Variants in CARMIL1 observed in about 807,000 individuals in gnomAD.
The protein encoded by CARMIL1 is F-actin-uncapping protein LRRC16A.
Under a neutral mutation model 177.1 loss-of-function variants are expected in CARMIL1, and 90 were observed. That is an observed-to-expected ratio of 0.51 (90% confidence interval 0.43 to 0.61). The LOEUF is 0.61. Among genes scored for constraint, CARMIL1 ranks in the 20% least tolerant of loss-of-function variants. The pLI is 0.00. For synonymous variants in CARMIL1, 577 were observed against 606.2 expected (o/e 0.95, Z 0.71); for missense variants, 1,380 against 1,667.0 (o/e 0.83, Z 3.00).
intron 33 of CARMIL1, 95 bp from the exon 34 acceptor site, chr6:25,604,717 C>A: frequency 1.1e-6 from 1 of 943,252 alleles, no homozygotes; most frequent in Non-Finnish European, 1.6e-6. Flanking sequence ...AGTTAAAGAG[C>A]CCTTCTTTGC....
intron 2 of CARMIL1, among the ~76,000 whole-genome samples, chr6:25,343,187 GA>G (rs1787127433): frequency 6.6e-6 from 1 of 152,182 alleles, no homozygotes; most frequent in Non-Finnish European, 1.5e-5. Flanking sequence ...TGGAGTTGAT[GA>G]AATTTTGGGT....
At chr6:25,382,755 A>G (rs573628820) in intron 2 of CARMIL1, among the ~76,000 whole-genome samples, 7 of 151,984 alleles carry the variant, frequency 4.6e-5, no homozygotes, top group African/African-American at 7.3e-5. Flanking sequence ...TGCATTTACA[A>G]TCCTTTAGCT....
At chr6:25,313,718 G>T (rs1784037269) in intron 2 of CARMIL1, among the ~76,000 whole-genome samples, 3 of 131,442 alleles carry the variant, frequency 2.3e-5, no homozygotes, top group Admixed American at 7.4e-5. Flanking sequence ...ACCAGAAATG[G>T]TGTATTTAAA....
intron 31 of CARMIL1, among the ~76,000 whole-genome samples, chr6:25,593,666 G>A (rs1037902928): frequency 1.3e-5 from 2 of 152,100 alleles, no homozygotes; most frequent in African/African-American, 2.4e-5. Context: ...GTCAACCAGC[G>A]TGCAGCCTTT....
rs974749179 is a variant in CARMIL1 at position 25,450,056 on chromosome 6, G to A, written c.469+61G>A. On this transcript the variant is annotated intron_variant, in intron 6 of 36. Transcript: ENST00000329474. ...TGGATGGATATCCCCCTGCCAGGAA[G>A]TTAAGTCTATTCCTAGTGTGCTACT... The A allele has an allele frequency of 2.0e-5, 28 of 1,366,610 alleles. No individual in the cohort carries two copies. The African/African-American group carries it at 3.8e-4, about 19-fold the overall frequency. The allele number at this position is 1,366,610 out of a possible 1,614,324, so 84.7% of individuals were successfully genotyped here.
At chr6:25,502,264 C>CA (rs1004427316) in intron 17 of CARMIL1, among the ~76,000 whole-genome samples, 1,921 of 142,582 alleles carry the variant, frequency 0.013, 30 homozygotes, top group African/African-American at 0.041. Context: ...AAAAAAAAAA[C>CA]AAAAAAAAAA....
intron 5 of CARMIL1, among the ~76,000 whole-genome samples, chr6:25,440,479 C>T (rs747289623): frequency 2.2e-4 from 33 of 152,286 alleles, no homozygotes; most frequent in Non-Finnish European, 4.4e-4. Context: ...TAGCTTGTCT[C>T]GATAAGCCTA....
At chr6:25,521,822 G>A (rs867490562) in intron 23 of CARMIL1, among the ~76,000 whole-genome samples, 3 of 151,562 alleles carry the variant, frequency 2.0e-5, no homozygotes, top group African/African-American at 2.4e-5. Context: ...AGTCAGAGTC[G>A]TAGTGGTCTG....
chr6:25,459,277 T>TCTTTCTTCCTTTCTTCCTTTCTTCC (rs1450322009), intron 8 of CARMIL1, among the ~76,000 whole-genome samples: 1 of 139,594 alleles, frequency 7.2e-6, no homozygotes, highest in Non-Finnish European at 1.6e-5. Flanking sequence ...TTTTTTTTTT[T>TCTTTCTTCCTTTCTTCCTTTCTTCC]TTTAAGACAG....
chr6:25,355,706 G>T (rs1788526077), intron 2 of CARMIL1, among the ~76,000 whole-genome samples: 1 of 152,082 alleles, frequency 6.6e-6, no homozygotes, highest in Non-Finnish European at 1.5e-5. Flanking sequence ...ACCAACCAAA[G>T]AAACCTCTCA....
At position 25,550,896 on chromosome 6, in the gene CARMIL1, G is replaced by C; in HGVS notation, c.2329-14G>C. 6.2e-7 allele frequency: 1 copy of C among 1,610,446 alleles called. No individual in the cohort carries two copies. ...GTGTCATCATCTCTTCCCTTCACTT[G>C]TGCTGCATTGCAGGCGTTGCTTGAG... On this transcript the variant is annotated splice_polypyrimidine_tract_variant and intron_variant, in intron 26 of 36. Coordinates refer to ENST00000329474, the MANE Select transcript of CARMIL1 (RefSeq NM_017640.6).
chr6:25,441,681 C>A (rs1441946159), intron 5 of CARMIL1, among the ~76,000 whole-genome samples: 1 of 152,034 alleles, frequency 6.6e-6, no homozygotes. Context: ...TGTTAACATT[C>A]CAATCTTTGC....
intron 31 of CARMIL1, among the ~76,000 whole-genome samples, chr6:25,585,952 A>G (rs1457347232): frequency 6.6e-6 from 1 of 152,228 alleles, no homozygotes; most frequent in Non-Finnish European, 1.5e-5. Context: ...ACTTCTTTCT[A>G]CACAGACACA....
At chr6:25,348,736 C>T (rs1211392642) in intron 2 of CARMIL1, among the ~76,000 whole-genome samples, 3 of 151,938 alleles carry the variant, frequency 2.0e-5, no homozygotes, top group African/African-American at 7.2e-5. Flanking sequence ...GAGCCGAGAT[C>T]GTGCCTCTGC....
intron 32 of CARMIL1, among the ~76,000 whole-genome samples, chr6:25,598,523 A>G (rs116248588): frequency 0.018 from 2,732 of 152,230 alleles, 53 homozygotes; most frequent in African/African-American, 0.053. Flanking sequence ...ATAGGCATGA[A>G]CTACCATGCC....
chr6:25,375,157 C>G (rs567006903), intron 2 of CARMIL1, among the ~76,000 whole-genome samples: 1 of 152,284 alleles, frequency 6.6e-6, no homozygotes, highest in South Asian at 2.1e-4. Flanking sequence ...AGATTAATAA[C>G]TCCTTTTAGT....
At chr6:25,452,243 T>A (rs1336284934) in intron 8 of CARMIL1, 2 of 763,552 alleles carry the variant, frequency 2.6e-6, no homozygotes, top group Admixed American at 3.4e-5. Context: ...TTTTTCCTGC[T>A]TAGAGCAGTT....
At chr6:25,414,763 AC>A (rs1030912295) in intron 2 of CARMIL1, among the ~76,000 whole-genome samples, 1 of 151,464 alleles carries the variant, frequency 6.6e-6, no homozygotes, top group Non-Finnish European at 1.5e-5. Context: ...CTCTATTCCA[AC>A]CCCCATCCCC....
At chr6:25,522,580 T>C (rs1234832948) in intron 23 of CARMIL1, among the ~76,000 whole-genome samples, 1 of 152,204 alleles carries the variant, frequency 6.6e-6, no homozygotes, top group African/African-American at 2.4e-5. Flanking sequence ...TGAAATCAAG[T>C]GTCGGCTCAT....
Sources: gnomAD v4.1 joint callset for allele counts (sites outside exome capture counted in the v4.1 genomes callset) on GRCh38, gnomAD v4.1.1 for gene constraint, MANE v1.5 for transcripts, NCBI Gene and HGNC (gene_info 2026-07-23, HGNC 2026-07-21) for gene names.